AVEN: variants seen among roughly 807,000 people sequenced by gnomAD.
The protein encoded by AVEN is apoptosis and caspase activation inhibitor.
In AVEN, 41 loss-of-function variants were observed where a neutral mutation model predicts 38.1. The ratio of observed to expected loss-of-function variants is 1.08; its 90% CI spans 0.84 to 1.40. The LOEUF is 1.40. AVEN is among the 40% of genes most tolerant of loss of function. The probability of loss-of-function intolerance (pLI) is 0.00; values close to 1 mark genes in which losing one functional copy is unlikely to be tolerated. For synonymous variants in AVEN, 206 were observed against 171.8 expected, an observed-to-expected ratio of 1.20 and a Z score of -1.56; for missense variants, 605 against 438.8, an observed-to-expected ratio of 1.38 and a Z score of -3.38.
At chr15:33,877,874 G>A (rs1057153282) in intron 2 of AVEN, among the ~76,000 whole-genome samples, 12 of 152,176 alleles carry the variant, frequency 7.9e-5, no homozygotes, top group East Asian at 5.8e-4. Flanking sequence ...GCTTAAACCC[G>A]GGAGGCGGAG....
intron 5 of AVEN, among the ~76,000 whole-genome samples, chr15:34,060,386 T>C (rs76628114): frequency 0.022 from 3,317 of 152,240 alleles, 97 homozygotes; most frequent in African/African-American, 0.054. Context: ...CGATTCCATA[T>C]TGAATTTGAG....
At chr15:33,935,504 A>G (rs28473351) in intron 2 of AVEN, among the ~76,000 whole-genome samples, 4,975 of 152,172 alleles carry the variant, frequency 0.033, 258 homozygotes, top group African/African-American at 0.11. Context: ...ATATGTATAT[A>G]TGTGTGTGAG....
At chr15:33,911,552 T>G (rs1028149823) in intron 2 of AVEN, among the ~76,000 whole-genome samples, 1 of 152,162 alleles carries the variant, frequency 6.6e-6, no homozygotes, top group Non-Finnish European at 1.5e-5. Flanking sequence ...GGGAAATAAC[T>G]CTTCGTTAAA....
chr15:34,070,188 T>C (rs1900598088), intron 2 of AVEN, among the ~76,000 whole-genome samples: 1 of 152,116 alleles, frequency 6.6e-6, no homozygotes, highest in Non-Finnish European at 1.5e-5. Flanking sequence ...GAGAACTTAC[T>C]ATCACGAGAA....
chr15:33,961,017 T>C (rs139508616), intron 2 of AVEN, among the ~76,000 whole-genome samples: 88 of 152,348 alleles, frequency 5.8e-4, no homozygotes, highest in African/African-American at 2.1e-3. Context: ...CTTTTTTCTT[T>C]TGAGACAGAG....
the AVEN span, chr15:33,853,152 T>C: frequency 1.5e-6 from 2 of 1,323,600 alleles, no homozygotes; most frequent in Non-Finnish European, 2.1e-6. Context: ...TTTTTTAAGT[T>C]CTCCACATAC....
intron 4 of AVEN, among the ~76,000 whole-genome samples, chr15:33,869,764 A>AG (rs1460946796): frequency 6.6e-6 from 1 of 152,176 alleles, no homozygotes; most frequent in Non-Finnish European, 1.5e-5. Flanking sequence ...CACCCACAGA[A>AG]GGAAGTTGAT....
chr15:34,063,311 C>T lies in AVEN; in HGVS notation n.1248G>A, dbSNP rs577474369. 1.2e-6 allele frequency: 2 copies of T among 1,614,170 alleles called. No homozygotes were observed. Among genetic ancestry groups the T allele is most frequent in the South Asian group, 1.1e-5 (1 of 91,084 alleles). On this transcript the variant is annotated non_coding_transcript_exon_variant, in exon 5 of 12. Coordinates refer to the AVEN transcript ENST00000675287. This position sits in a 1 kb window ranked among gnomAD's most constrained non-coding sequence, Gnocchi z 4.1. ...AGCCCACCATCACTTTTGGCACTGC[C>T]ATTGCTGCCTTCTACATCCCTGTTT...
intron 2 of AVEN, among the ~76,000 whole-genome samples, 167 bp downstream of exon 2, chr15:34,002,865 A>AT (rs1897189847): frequency 6.6e-6 from 1 of 152,076 alleles, no homozygotes; most frequent in Admixed American, 6.6e-5. Flanking sequence ...ACTTAAACTC[A>AT]TTTTTTTCCC....
intron 2 of AVEN, among the ~76,000 whole-genome samples, chr15:33,982,638 AC>A (rs1374152105): frequency 2.0e-5 from 3 of 152,292 alleles, no homozygotes; most frequent in African/African-American, 7.2e-5. Context: ...CACTGCACTG[AC>A]TCAAAATTTT....
chr15:33,863,211 G>A (rs1220824458), downstream of AVEN, among the ~76,000 whole-genome samples: 3 of 152,118 alleles, frequency 2.0e-5, no homozygotes, highest in African/African-American at 7.2e-5. Context: ...CACCTAAAAT[G>A]GTGCTTTGTT....
intron 2 of AVEN, among the ~76,000 whole-genome samples, chr15:33,967,838 C>A (rs898488918): frequency 1.3e-5 from 2 of 150,954 alleles, no homozygotes; most frequent in East Asian, 3.9e-4. Flanking sequence ...TTAATGAAGA[C>A]CCTGTTAAAA....
upstream of AVEN, among the ~76,000 whole-genome samples, chr15:34,042,960 T>C (rs1274485743): frequency 6.6e-6 from 1 of 151,904 alleles, no homozygotes; most frequent in East Asian, 2.0e-4. Context: ...TCTAAGACTA[T>C]GGATTGGCCA....
chr15:33,875,612 C>A (rs8041929), intron 3 of AVEN, among the ~76,000 whole-genome samples: 151,202 of 152,306 alleles, frequency 0.99, 75,064 homozygotes, highest in Middle Eastern at 1. Flanking sequence ...ATTGTCAAAG[C>A]GTGGCAAAGG....
chr15:33,975,593 T>C (rs373178813), intron 2 of AVEN, among the ~76,000 whole-genome samples: 1 of 152,188 alleles, frequency 6.6e-6, no homozygotes, highest in South Asian at 2.1e-4. Context: ...TTTGTCATAA[T>C]AGAACTCAGA....
chr15:33,912,624 TG>T (rs1028016649), intron 2 of AVEN, among the ~76,000 whole-genome samples: 2 of 152,214 alleles, frequency 1.3e-5, no homozygotes, highest in African/African-American at 4.8e-5. Flanking sequence ...ACTGAAATGC[TG>T]AGCTGTTCTA....
intron 2 of AVEN, among the ~76,000 whole-genome samples, chr15:33,960,804 G>C (rs773214390): frequency 2.6e-5 from 4 of 152,116 alleles, no homozygotes; most frequent in Admixed American, 6.5e-5. Flanking sequence ...GGTCCATTCA[G>C]CTGTGTGGGA....
chr15:33,896,737 G>A (rs1231502909), intron 2 of AVEN, among the ~76,000 whole-genome samples: 1 of 152,140 alleles, frequency 6.6e-6, no homozygotes, highest in Non-Finnish European at 1.5e-5. Context: ...TGAGTCTCAA[G>A]TTAAACATCA....
Position 34,063,458 on chromosome 15 carries a change from G to C in AVEN, n.1127-26C>G. On this transcript the variant is annotated intron_variant and non_coding_transcript_variant, in intron 4 of 11. Coordinates refer to the AVEN transcript ENST00000675287. The surrounding 1 kb of genome is among the most constrained non-coding windows in gnomAD (Gnocchi z 4.1). ...CTGAGAAGAGAAAGCCAGCTCATAG[G>C]GCTCTGTTCAGATCCTGCTTGCGCT... 1.2e-6 allele frequency: 2 copies of C among 1,613,834 alleles called. No individual in the cohort carries two copies. The highest frequency in any genetic ancestry group is 1.7e-6 in the Non-Finnish European group (2 of 1,180,030).
Sources: gnomAD v4.1 joint callset for allele counts (sites outside exome capture counted in the v4.1 genomes callset) on GRCh38, gnomAD v4.1.1 for gene constraint, Gnocchi (gnomAD v3.1) non-coding constraint, MANE v1.5 for transcripts, NCBI Gene and HGNC (gene_info 2026-07-23, HGNC 2026-07-21) for gene names.